PRKCQ: variants seen among roughly 807,000 people sequenced by gnomAD.
The protein encoded by PRKCQ is protein kinase C theta, also known as protein kinase C theta type.
PRKCQ carries 41 observed loss-of-function variants against 91.2 expected under a neutral mutation model. The observed-to-expected ratio is 0.45, with a 90% CI of 0.35 to 0.58. PRKCQ has a LOEUF of 0.58. Ranked by LOEUF, PRKCQ falls within the 20% of genes least tolerant of loss-of-function variation. PRKCQ has a pLI of 0.00. For missense variants in PRKCQ, 673 were observed against 896.5 expected, an observed-to-expected ratio of 0.75 and a Z score of 3.18; for synonymous variants, 307 against 316.9, an observed-to-expected ratio of 0.97 and a Z score of 0.33.
At chr10:6,523,081 C>A (rs1839075458) in intron 1 of PRKCQ, among the ~76,000 whole-genome samples, 1 of 151,982 alleles carries the variant, frequency 6.6e-6, no homozygotes, top group Admixed American at 6.5e-5. Flanking sequence ...GTTGCTAAGA[C>A]TTCTACTAAG....
intron 8 of PRKCQ, among the ~76,000 whole-genome samples, chr10:6,489,876 G>A (rs1004444691): frequency 6.6e-6 from 1 of 152,064 alleles, no homozygotes; most frequent in Non-Finnish European, 1.5e-5. Flanking sequence ...GGAACCCCTG[G>A]GAAGTTCTAA....
At chr10:6,510,077 TGA>T (rs1364264937) in intron 3 of PRKCQ, among the ~76,000 whole-genome samples, 2 of 152,186 alleles carry the variant, frequency 1.3e-5, no homozygotes, top group African/African-American at 4.8e-5. Flanking sequence ...TTTAAAAATC[TGA>T]GTTATAGAAA....
At chr10:6,528,479 C>G (rs1839276877) in intron 1 of PRKCQ, among the ~76,000 whole-genome samples, 1 of 152,158 alleles carries the variant, frequency 6.6e-6, no homozygotes, top group African/African-American at 2.4e-5. Context: ...ACGCTGTGAA[C>G]AGACGACCAA....
chr10:6,503,361 G>A (rs774894243), intron 4 of PRKCQ, among the ~76,000 whole-genome samples: 3 of 152,132 alleles, frequency 2.0e-5, no homozygotes, highest in Non-Finnish European at 4.4e-5. Flanking sequence ...GGATAGAGAA[G>A]CACAGGAAGG....
At chr10:6,399,418 G>A in the PRKCQ span, among the ~76,000 whole-genome samples, 4 of 152,062 alleles carry the variant, frequency 2.6e-5, no homozygotes, top group Admixed American at 6.5e-5. Context: ...CTATTGCTGC[G>A]CTCTTGGCAA....
rs536957267 is a variant in PRKCQ, at chr10:6,489,815, C to T, written c.790+1868G>A. On this transcript the variant is annotated intron_variant, in intron 8 of 17. Coordinates refer to ENST00000263125, the MANE Select transcript of PRKCQ (RefSeq NM_006257.5). ...AATGGAGCGGAAAGGAAAGAGTATT[C>T]AAGGAAAGAAATGAAACGAAGCAGG... 7.9e-5 allele frequency among the ~76,000 whole-genome samples: 12 copies of T among 151,904 alleles called. 1 individual carries two copies. The East Asian group carries it at 1.8e-3, about 22-fold the overall frequency.
intron 1 of PRKCQ, among the ~76,000 whole-genome samples, chr10:6,533,111 C>T (rs1839449058): frequency 6.6e-6 from 1 of 152,106 alleles, no homozygotes; most frequent in Non-Finnish European, 1.5e-5. Context: ...CAGAGCTCCT[C>T]CCATTATCAA....
chr10:6,540,126 T>C lies in PRKCQ; in HGVS notation c.-9-24982A>G, dbSNP rs143208795. Among the ~76,000 whole-genome samples, 470 of 152,342 alleles carry C rather than the reference T, an allele frequency of 3.1e-3. 2 individuals carry two copies. The highest frequency in any genetic ancestry group is 0.011 in the African/African-American group (442 of 41,574). On this transcript the variant is annotated intron_variant, in intron 1 of 17. Coordinates refer to ENST00000263125, the MANE Select transcript of PRKCQ (RefSeq NM_006257.5). The stretch of plus-strand genomic sequence containing the variant: ...AGAGTTTCTAGACCTATGGTCTTGA[T>C]CATCTTTGCCCAGACACACAAAGTT...
chr10:6,509,634 C>A lies in PRKCQ; in HGVS notation c.318+1361G>T, dbSNP rs557257192. The stretch of plus-strand genomic sequence containing the variant: ...ATGTTGGCCAGGCTGGTCTTGAACT[C>A]CTGACCTCAGGTGAACTGCTCACCT... On this transcript the variant is annotated intron_variant, in intron 3 of 17. Coordinates refer to ENST00000263125, the MANE Select transcript of PRKCQ (RefSeq NM_006257.5). 7.9e-5 allele frequency among the ~76,000 whole-genome samples: 12 copies of A among 152,314 alleles called. 1 individual carries two copies. The South Asian group carries it at 2.3e-3, about 29-fold the overall frequency.
chr10:6,400,844 T>G, the PRKCQ span, among the ~76,000 whole-genome samples: 1 of 152,074 alleles, frequency 6.6e-6, no homozygotes, highest in East Asian at 1.9e-4. Context: ...AAGACCCCAC[T>G]TCTACAAAAA....
intron 1 of PRKCQ, among the ~76,000 whole-genome samples, chr10:6,542,235 T>C (rs1839802635): frequency 6.6e-6 from 1 of 152,244 alleles, no homozygotes; most frequent in Admixed American, 6.5e-5. Context: ...TTACTCTCTC[T>C]AGTCTATTTT....
At chr10:6,403,271 A>G in the PRKCQ span, among the ~76,000 whole-genome samples, 1 of 152,224 alleles carries the variant, frequency 6.6e-6, no homozygotes, top group African/African-American at 2.4e-5. Context: ...AGGACACCAT[A>G]GTGTGGCAAA....
At chr10:6,412,137 C>G in the PRKCQ span, among the ~76,000 whole-genome samples, 1 of 152,130 alleles carries the variant, frequency 6.6e-6, no homozygotes, top group Non-Finnish European at 1.5e-5. Context: ...AGCTCAAGCT[C>G]CTCGACTCAA....
intron 1 of PRKCQ, among the ~76,000 whole-genome samples, chr10:6,545,959 G>A (rs1259836894): frequency 6.6e-6 from 1 of 152,008 alleles, no homozygotes; most frequent in African/African-American, 2.4e-5. Context: ...AGCTGAGATT[G>A]TGCCACTGCA....
the PRKCQ span, among the ~76,000 whole-genome samples, chr10:6,410,133 C>T: frequency 0.059 from 9,004 of 152,256 alleles, 361 homozygotes; most frequent in Non-Finnish European, 0.084. Flanking sequence ...CATTACTTAC[C>T]ACTGACAAGA....
At chr10:6,555,585 G>A (rs1482407505) in intron 1 of PRKCQ, among the ~76,000 whole-genome samples, 2 of 152,082 alleles carry the variant, frequency 1.3e-5, no homozygotes, top group Admixed American at 6.5e-5. Flanking sequence ...ATTCAAAGTA[G>A]GATTTAGAGA....
At chr10:6,451,694 C>A (rs1310141389) in intron 15 of PRKCQ, among the ~76,000 whole-genome samples, 2 of 152,194 alleles carry the variant, frequency 1.3e-5, no homozygotes, top group East Asian at 3.9e-4. Context: ...TACTGGCAAA[C>A]CGAATCCAGC....
At chr10:6,570,452 A>C (rs575158186) in intron 1 of PRKCQ, among the ~76,000 whole-genome samples, 8 of 152,224 alleles carry the variant, frequency 5.3e-5, no homozygotes, top group African/African-American at 1.9e-4. Context: ...AGGAAAATGC[A>C]GGTGACAGGG....
intron 16 of PRKCQ, among the ~76,000 whole-genome samples, chr10:6,438,541 A>G (rs917356161): frequency 1.3e-5 from 2 of 152,180 alleles, no homozygotes; most frequent in African/African-American, 4.8e-5. Context: ...AATCAAAACA[A>G]TGTTTCTTCC....
Sources: allele counts gnomAD v4.1 joint callset (sites outside exome capture counted in the v4.1 genomes callset), GRCh38; gene constraint gnomAD v4.1.1; transcripts MANE v1.5; gene names NCBI Gene and HGNC (gene_info 2026-07-23, HGNC 2026-07-21).